The following RAB31 variants were observed in gnomAD, a reference collection of about 807,000 sequenced individuals.
RAB31 encodes RAB31, member RAS oncogene family, also known as ras-related protein Rab-31.
Under a neutral mutation model 25.6 loss-of-function variants are expected in RAB31, and 21 were observed. That is an observed-to-expected ratio of 0.82 (90% CI 0.58 to 1.18). RAB31 has a LOEUF of 1.18. RAB31 is among the 50% of genes most tolerant of loss of function. The pLI is 0.00. For missense variants in RAB31, 196 were observed against 250.1 expected (o/e 0.78, Z 1.46); for synonymous variants, 87 against 84.0 (o/e 1.04, Z -0.20).
intron 3 of RAB31, among the ~76,000 whole-genome samples, chr18:9,807,774 A>C (rs986656231): frequency 2.0e-5 from 3 of 152,088 alleles, no homozygotes; most frequent in Non-Finnish European, 4.4e-5. Context: ...CGGAGTTTCA[A>C]ACCAGCCTGG....
rs78022996 is a variant in RAB31 at position 9,774,319 on chromosome 18, C to T, written c.40-959C>T. 4.5e-3 allele frequency among the ~76,000 whole-genome samples: 684 copies of T among 152,250 alleles called. 1 individual carries two copies. The highest frequency in any genetic ancestry group is 7.6e-3 in the Non-Finnish European group (520 of 68,016). On this transcript the variant is annotated intron_variant, in intron 1 of 6. Transcript: ENST00000578921. Reference sequence around the variant, plus strand: ...TGATGTCCCCAAGCCCAGCTCCGTCCGATGCAGGCTTCCTGGAGAGTAAAG... The same window carrying T: ...TGATGTCCCCAAGCCCAGCTCCGTCTGATGCAGGCTTCCTGGAGAGTAAAG...
intron 3 of RAB31, among the ~76,000 whole-genome samples, chr18:9,798,371 T>G (rs1429263245): frequency 6.6e-6 from 1 of 152,232 alleles, no homozygotes; most frequent in East Asian, 1.9e-4. Context: ...AGCTTGTTGC[T>G]GGCTTTAATT....
rs1452534722 is a variant in RAB31 at position 9,766,391 on chromosome 18, A to C, written c.40-8887A>C. Among the ~76,000 whole-genome samples, 1 of 145,748 alleles carries C rather than the reference A, an allele frequency of 6.9e-6. No homozygotes were observed. Among genetic ancestry groups the C allele is most frequent in the Non-Finnish European group, 1.5e-5 (1 of 65,882 alleles). On this transcript the variant is annotated intron_variant, in intron 1 of 6. Coordinates refer to ENST00000578921, the MANE Select transcript of RAB31 (RefSeq NM_006868.4). This position sits in a 1 kb window ranked among gnomAD's most constrained non-coding sequence, Gnocchi z 4.3. The stretch of plus-strand genomic sequence containing the variant: ...ATTACTATGCACTGCCTTCGCTTGC[A>C]GGCATCTCCACACAAGGACCTGCCT...
chr18:9,709,567 T>C (rs1255519683), intron 1 of RAB31, among the ~76,000 whole-genome samples: 1 of 152,220 alleles, frequency 6.6e-6, no homozygotes, highest in Non-Finnish European at 1.5e-5. Flanking sequence ...TCCTCTAGGC[T>C]CTTGTGGAAC....
chr18:9,808,841 A>G (rs1260243222), intron 3 of RAB31, among the ~76,000 whole-genome samples: 2 of 152,390 alleles, frequency 1.3e-5, no homozygotes, highest in African/African-American at 2.4e-5. Flanking sequence ...TCTGGGAGGC[A>G]GAGCCCAGCT....
At chr18:9,791,835 A>G (rs1234987707) in intron 2 of RAB31, among the ~76,000 whole-genome samples, 1 of 152,134 alleles carries the variant, frequency 6.6e-6, no homozygotes, top group African/African-American at 2.4e-5. Flanking sequence ...TGAACTCCTG[A>G]CCTTGTAATC....
In RAB31 at chr18:9,857,682, TAGATGATAGATAGATAGATAGATA is replaced by T. The variant is rs1327537514; in HGVS notation, c.491-1545_491-1522del. On this transcript the variant is annotated intron_variant, in intron 6 of 6. Coordinates refer to ENST00000578921, the MANE Select transcript of RAB31 (RefSeq NM_006868.4). The stretch of plus-strand genomic sequence containing the variant: ...ATAGATAGATAGATAGATAGATAGA[TAGATGATAGATAGATAGATAGATA>T]GATAGATAGATAGATAGATAGATAT... 1.1e-4 allele frequency among the ~76,000 whole-genome samples: 14 copies of T among 128,074 alleles called. 1 individual carries two copies. The highest frequency in any genetic ancestry group is 3.7e-4 in the African/African-American group (13 of 34,696). The allele number at this position is 128,074 out of a possible 152,430, so 84.0% of individuals were successfully genotyped here.
chr18:9,760,750 C>A (rs907570450), intron 1 of RAB31, among the ~76,000 whole-genome samples: 1 of 152,084 alleles, frequency 6.6e-6, no homozygotes. Context: ...TTCCCAAGGC[C>A]CCCGCTAAGG....
chr18:9,805,903 A>G (rs1294956291), intron 3 of RAB31, among the ~76,000 whole-genome samples: 3 of 151,966 alleles, frequency 2.0e-5, no homozygotes, highest in African/African-American at 7.3e-5. Flanking sequence ...GACTGGGCGC[A>G]GTGGCTCACG....
chr18:9,826,533 CAGG>C (rs1283978856), intron 5 of RAB31, among the ~76,000 whole-genome samples: 2 of 152,076 alleles, frequency 1.3e-5, no homozygotes, highest in African/African-American at 4.8e-5. Flanking sequence ...TCATAATCAC[CAGG>C]AGAAGAGATG....
chr18:9,772,982 G>C (rs1243800952), intron 1 of RAB31, among the ~76,000 whole-genome samples: 1 of 152,162 alleles, frequency 6.6e-6, no homozygotes, highest in Non-Finnish European at 1.5e-5. Flanking sequence ...AATAGCAGCG[G>C]CATCAATTGG....
intron 1 of RAB31, among the ~76,000 whole-genome samples, chr18:9,760,557 A>C (rs1273255135): frequency 6.6e-6 from 1 of 152,090 alleles, no homozygotes; most frequent in Non-Finnish European, 1.5e-5. Flanking sequence ...TTTCAAATAG[A>C]ATGATCTTAT....
At chr18:9,786,487 A>T (rs1249669447) in intron 2 of RAB31, among the ~76,000 whole-genome samples, 1 of 152,250 alleles carries the variant, frequency 6.6e-6, no homozygotes, top group African/African-American at 2.4e-5. Context: ...GAAGTTCTAG[A>T]GGCCCGGACT....
chr18:9,849,048 T>C (rs1224255369), intron 6 of RAB31, among the ~76,000 whole-genome samples: 1 of 152,172 alleles, frequency 6.6e-6, no homozygotes, highest in East Asian at 1.9e-4. Flanking sequence ...CAGGCACCCT[T>C]TTCTAAATCA....
chr18:9,808,548 A>G (rs1188650503), intron 3 of RAB31, among the ~76,000 whole-genome samples: 2 of 152,224 alleles, frequency 1.3e-5, no homozygotes, highest in Non-Finnish European at 2.9e-5. Context: ...GTGTTTTTCC[A>G]TTCAACTTTT....
chr18:9,772,809 CA>C (rs1040221607), intron 1 of RAB31, among the ~76,000 whole-genome samples: 29 of 152,210 alleles, frequency 1.9e-4, no homozygotes, highest in African/African-American at 7.0e-4. Flanking sequence ...CAGGCTGTCA[CA>C]GTTCCTCAGT....
intron 5 of RAB31, among the ~76,000 whole-genome samples, chr18:9,817,247 A>G (rs1444991778): frequency 6.6e-6 from 1 of 152,158 alleles, no homozygotes; most frequent in Non-Finnish European, 1.5e-5. Context: ...TGCGCCTTTA[A>G]GTGGAACCGA....
chr18:9,851,742 A>G (rs2068790134), intron 6 of RAB31, among the ~76,000 whole-genome samples: 1 of 152,232 alleles, frequency 6.6e-6, no homozygotes. Context: ...AAGTGATTCA[A>G]AAGGATGACA....
At chr18:9,839,968 G>A (rs562196995) in intron 5 of RAB31, among the ~76,000 whole-genome samples, 2 of 152,312 alleles carry the variant, frequency 1.3e-5, no homozygotes, top group East Asian at 3.9e-4. Flanking sequence ...GCTCAGGAGG[G>A]ACTCCAGCTG....
Sources: gnomAD v4.1 joint callset for allele counts (sites outside exome capture counted in the v4.1 genomes callset) on GRCh38, gnomAD v4.1.1 for gene constraint, Gnocchi (gnomAD v3.1) non-coding constraint, MANE v1.5 for transcripts, NCBI Gene and HGNC (gene_info 2026-07-23, HGNC 2026-07-21) for gene names.